The following RPTOR variants were observed in gnomAD, a reference collection of about 807,000 sequenced individuals.
RPTOR encodes the protein regulatory associated protein of MTOR complex 1.
A neutral mutation model predicts 169.9 loss-of-function variants in RPTOR; 21 were observed. The ratio of observed to expected loss-of-function variants is 0.12; its 90% CI spans 0.09 to 0.18. The LOEUF is 0.18. Among genes scored for constraint, RPTOR ranks in the 10% least tolerant of loss-of-function variants. The pLI is 1.00. For synonymous variants in RPTOR, 732 were observed against 753.2 expected (o/e 0.97, Z 0.46); for missense variants, 1,133 against 1,855.9 (o/e 0.61, Z 7.16).
chr17:80,554,430 C>G (rs7210454), intron 1 of RPTOR, among the ~76,000 whole-genome samples: 93,779 of 151,716 alleles, frequency 0.62, 29,758 homozygotes, highest in Middle Eastern at 0.72. Flanking sequence ...TATTTCAACC[C>G]ATTGAATGTG....
intron 9 of RPTOR, among the ~76,000 whole-genome samples, chr17:80,833,851 G>A (rs999771884): frequency 8.5e-5 from 13 of 152,130 alleles, no homozygotes; most frequent in African/African-American, 2.2e-4. Context: ...TTAGCCAGGC[G>A]TGTGGCACAT....
rs1599632488 is a variant in RPTOR at position 80,646,947 on chromosome 17, C to G, written c.348+3137C>G. ...GTGCAGAAAGCCAACCCCGGAACCC[C>G]CGTCGGCTGCACCAGAATGGTGTCT... is the stretch of plus-strand genomic sequence containing the variant. On this transcript the variant is annotated intron_variant, in intron 3 of 33. Coordinates refer to ENST00000306801, the MANE Select transcript of RPTOR (RefSeq NM_020761.3). The surrounding 1 kb of genome is among the most constrained non-coding windows in gnomAD (Gnocchi z 5.0). Among the ~76,000 whole-genome samples, 1 of 152,216 alleles carries G rather than the reference C, an allele frequency of 6.6e-6. No homozygotes were observed. Among genetic ancestry groups the G allele is most frequent in the Non-Finnish European group, 1.5e-5 (1 of 68,042 alleles).
chr17:80,813,378 C>T (rs945873364), intron 7 of RPTOR, among the ~76,000 whole-genome samples: 2 of 152,228 alleles, frequency 1.3e-5, no homozygotes, highest in African/African-American at 2.4e-5. Context: ...TCCTGATCTT[C>T]ACTTCGAATT....
At chr17:80,933,009 C>T (rs922552585) in intron 24 of RPTOR, among the ~76,000 whole-genome samples, 1 of 152,188 alleles carries the variant, frequency 6.6e-6, no homozygotes, top group African/African-American at 2.4e-5. Context: ...CTTTAAAGTG[C>T]TGAAAGAAAC....
At chr17:80,893,106 C>T (rs1368820404) in intron 19 of RPTOR, among the ~76,000 whole-genome samples, 1 of 152,226 alleles carries the variant, frequency 6.6e-6, no homozygotes, top group African/African-American at 2.4e-5. Flanking sequence ...GGAGCTCAAG[C>T]GCAGCCGCAG....
rs1268917394 is a variant in RPTOR at position 80,947,426 on chromosome 17, A to T, written c.3265+75A>T. On this transcript the variant is annotated intron_variant, in intron 27 of 33. Transcript: ENST00000306801. This position sits in a 1 kb window ranked among gnomAD's most constrained non-coding sequence, Gnocchi z 4.4. ...GGCGGGGAGGGTGTGTGATCCTGAG[A>T]TGTGTTTGTACATCTGTCTTACAGA... 1 of 1,449,314 alleles carries T rather than the reference A, an allele frequency of 6.9e-7. No individual in the cohort carries two copies. Among genetic ancestry groups the T allele is most frequent in the African/African-American group, 1.5e-5 (1 of 68,458 alleles). The allele number at this position is 1,449,314 out of a possible 1,614,324, so 89.8% of individuals were successfully genotyped here.
intron 27 of RPTOR, among the ~76,000 whole-genome samples, chr17:80,948,907 G>A (rs916736677): frequency 6.6e-6 from 1 of 152,118 alleles, no homozygotes; most frequent in Admixed American, 6.5e-5. Flanking sequence ...CACGTCTTAG[G>A]CGGAGAGCCC....
chr17:80,666,032 G>C (rs1308900907), intron 3 of RPTOR, among the ~76,000 whole-genome samples: 2 of 152,150 alleles, frequency 1.3e-5, no homozygotes, highest in African/African-American at 4.8e-5. Flanking sequence ...ACTGGGACTT[G>C]TGGGCTGAGC....
intron 13 of RPTOR, among the ~76,000 whole-genome samples, chr17:80,870,704 T>C (rs920840268): frequency 6.6e-6 from 1 of 152,236 alleles, no homozygotes; most frequent in African/African-American, 2.4e-5. Flanking sequence ...AACATTTTAC[T>C]TGTGTCCCGA....
chr17:80,786,259 A>G (rs1000275869), intron 6 of RPTOR, among the ~76,000 whole-genome samples: 6 of 152,242 alleles, frequency 3.9e-5, no homozygotes, highest in Admixed American at 1.3e-4. Flanking sequence ...AAAGATAAAT[A>G]TGAAAATGCT....
intron 17 of RPTOR, among the ~76,000 whole-genome samples, chr17:80,886,799 G>A (rs78622203): frequency 0.032 from 4,911 of 152,268 alleles, 242 homozygotes; most frequent in African/African-American, 0.11. Context: ...AGGAGGTGCT[G>A]CCAACCGGGA....
chr17:80,616,105 G>A (rs2065307553), intron 1 of RPTOR, among the ~76,000 whole-genome samples: 2 of 152,138 alleles, frequency 1.3e-5, no homozygotes, highest in South Asian at 2.1e-4. Flanking sequence ...ATTTGATGAA[G>A]CCTGTACCAT....
At chr17:80,847,105 A>G (rs550731639) in intron 11 of RPTOR, among the ~76,000 whole-genome samples, 1 of 152,254 alleles carries the variant, frequency 6.6e-6, no homozygotes, top group African/African-American at 2.4e-5. Context: ...TAGGTTATGC[A>G]CTGAAGCACA....
chr17:80,750,241 G>A (rs1256210795), intron 5 of RPTOR, among the ~76,000 whole-genome samples: 1 of 152,232 alleles, frequency 6.6e-6, no homozygotes, highest in African/African-American at 2.4e-5. Flanking sequence ...AAGGAAAATA[G>A]GAATATTGAA....
chr17:80,858,836 C>T (rs1389728308), intron 13 of RPTOR, among the ~76,000 whole-genome samples: 5 of 152,286 alleles, frequency 3.3e-5, no homozygotes, highest in Admixed American at 6.5e-5. Context: ...TCCACGCAGA[C>T]GGTGCACGGT....
intron 13 of RPTOR, among the ~76,000 whole-genome samples, chr17:80,876,168 C>A: frequency 7.9e-6 from 1 of 126,956 alleles, no homozygotes. Flanking sequence ...CGAGCCCGTG[C>A]CACGCAGGGT....
At chr17:80,755,094 G>T (rs536526994) in intron 6 of RPTOR, among the ~76,000 whole-genome samples, 43 of 151,836 alleles carry the variant, frequency 2.8e-4, no homozygotes, top group Admixed American at 9.2e-4. Context: ...GGCAGCCTGA[G>T]GGGGGAGGAA....
intron 24 of RPTOR, among the ~76,000 whole-genome samples, chr17:80,939,381 G>A (rs555896320): frequency 8.9e-4 from 136 of 152,276 alleles, no homozygotes; most frequent in Non-Finnish European, 1.5e-3. Context: ...TCGCACACAC[G>A]CACACACACG....
intron 1 of RPTOR, among the ~76,000 whole-genome samples, chr17:80,604,917 C>CTT (rs60893106): frequency 8.2e-5 from 12 of 146,282 alleles, no homozygotes; most frequent in African/African-American, 1.5e-4. Flanking sequence ...CAAGTCATAT[C>CTT]TTTTTTTTTT....
Sources: allele counts gnomAD v4.1 joint callset (sites outside exome capture counted in the v4.1 genomes callset), GRCh38; gene constraint gnomAD v4.1.1; non-coding constraint Gnocchi (gnomAD v3.1); transcripts MANE v1.5; gene names NCBI Gene and HGNC (gene_info 2026-07-23, HGNC 2026-07-21).